Variants in PTPN14 observed in about 807,000 individuals in gnomAD.
The protein encoded by PTPN14 is protein tyrosine phosphatase non-receptor type 14.
Under a neutral mutation model 126.8 loss-of-function variants are expected in PTPN14, and 53 were observed. The ratio of observed to expected loss-of-function variants is 0.42; its 90% CI spans 0.34 to 0.53. The LOEUF (loss-of-function observed/expected upper bound fraction) is 0.53, where lower values mean the gene tolerates loss of function less well. Ranked by LOEUF, PTPN14 falls within the 20% of genes least tolerant of loss-of-function variation. PTPN14 has a pLI of 0.08. For synonymous variants in PTPN14, 630 were observed against 599.3 expected (o/e 1.05, Z -0.75); for missense variants, 1,257 against 1,552.9 (o/e 0.81, Z 3.20).
chr1:214,541,362 G>A (rs552296764), intron 1 of PTPN14, among the ~76,000 whole-genome samples: 3 of 152,152 alleles, frequency 2.0e-5, no homozygotes, highest in Non-Finnish European at 4.4e-5. Context: ...AGATGTTTAG[G>A]GGAGAGGCCA....
intron 1 of PTPN14, among the ~76,000 whole-genome samples, chr1:214,496,782 G>A (rs2102425191): frequency 6.6e-6 from 1 of 152,030 alleles, no homozygotes; most frequent in East Asian, 1.9e-4. Context: ...TATCTAATTT[G>A]ATCTATATTC....
At chr1:214,542,019 CAT>C (rs1466499299) in intron 1 of PTPN14, among the ~76,000 whole-genome samples, 2 of 152,272 alleles carry the variant, frequency 1.3e-5, no homozygotes, top group East Asian at 1.9e-4. Context: ...AACAGTATCA[CAT>C]GTCTGTCCTC....
intron 3 of PTPN14, among the ~76,000 whole-genome samples, chr1:214,433,501 C>T (rs1382556232): frequency 6.6e-6 from 1 of 152,012 alleles, no homozygotes; most frequent in East Asian, 1.9e-4. Flanking sequence ...AACAGTTCAT[C>T]ACTGTCTACC....
At chr1:214,424,276 C>T (rs1229632416) in intron 3 of PTPN14, among the ~76,000 whole-genome samples, 4 of 149,850 alleles carry the variant, frequency 2.7e-5, no homozygotes, top group Non-Finnish European at 4.4e-5. Flanking sequence ...GCCTGGGCAA[C>T]AGAGTGAGAC....
At chr1:214,414,447 A>G (rs544440526) in intron 4 of PTPN14, among the ~76,000 whole-genome samples, 182 bp downstream of exon 4, 1 of 152,224 alleles carries the variant, frequency 6.6e-6, no homozygotes, top group African/African-American at 2.4e-5. Flanking sequence ...GCTTTGAGAA[A>G]TCTACCACCC....
At position 214,372,717 on chromosome 1, in the gene PTPN14, T is replaced by C; in HGVS notation, c.3030A>G (p.Ala1010=). 1 of 1,614,172 alleles carries C rather than the reference T, an allele frequency of 6.2e-7. No individual in the cohort carries two copies. Among genetic ancestry groups the C allele is most frequent in the Non-Finnish European group, 8.5e-7 (1 of 1,180,020 alleles). Residue 1010 remains alanine, a synonymous_variant, in exon 16 of 19, where the codon GCA becomes GCG. Coordinates refer to ENST00000366956, the MANE Select transcript of PTPN14 (RefSeq NM_005401.5). ...QGVNVIAMVT[A]EEEGGRTKSH... ...AGTAGGCCATTCCCCTTACCTCCTC[T>C]GCAGTGACCATGGCAATCACATTCA...
At chr1:214,387,674 CAAAA>C (rs67415818) in intron 11 of PTPN14, among the ~76,000 whole-genome samples, 16 of 85,366 alleles carry the variant, frequency 1.9e-4, no homozygotes, top group African/African-American at 4.9e-4. Flanking sequence ...AAGACTCCGT[CAAAA>C]AAAAAAAAAA....
At chr1:214,497,019 T>G (rs1654538115) in intron 1 of PTPN14, among the ~76,000 whole-genome samples, 1 of 152,088 alleles carries the variant, frequency 6.6e-6, no homozygotes, top group Non-Finnish European at 1.5e-5. Flanking sequence ...CATACAGATT[T>G]TATTAAATAA....
At chr1:214,460,831 G>A (rs1042316756) in intron 2 of PTPN14, among the ~76,000 whole-genome samples, 10 of 152,162 alleles carry the variant, frequency 6.6e-5, no homozygotes, top group African/African-American at 2.2e-4. Context: ...ATGACTGTTT[G>A]CTGACAATAG....
At chr1:214,492,911 A>T (rs1468374633) in intron 1 of PTPN14, among the ~76,000 whole-genome samples, 1 of 152,086 alleles carries the variant, frequency 6.6e-6, no homozygotes. Flanking sequence ...GAAAAAAAAA[A>T]AAAAAAGAAT....
rs149662227 is a variant in PTPN14, at chr1:214,452,929, C to G, written c.175-955G>C. ...CATTACAATGTTCAATTTCCAAAGG[C>G]ATTCTTATGCTGATGTTCCCACTCC... On this transcript the variant is annotated intron_variant, in intron 2 of 18. Coordinates refer to ENST00000366956, the MANE Select transcript of PTPN14 (RefSeq NM_005401.5). Among the ~76,000 whole-genome samples, 525 of 152,254 alleles carry G rather than the reference C, an allele frequency of 3.4e-3. 5 individuals carry two copies. Among genetic ancestry groups the G allele is most frequent in the Non-Finnish European group, 6.1e-3 (413 of 68,006 alleles).
At chr1:214,400,848 T>G (rs1438640106) in intron 7 of PTPN14, among the ~76,000 whole-genome samples, 1 of 152,164 alleles carries the variant, frequency 6.6e-6, no homozygotes, top group Admixed American at 6.5e-5. Flanking sequence ...CGATTCTACT[T>G]GATGCACATG....
chr1:214,465,672 A>T (rs1660618411), intron 1 of PTPN14, among the ~76,000 whole-genome samples: 1 of 151,958 alleles, frequency 6.6e-6, no homozygotes, highest in African/African-American at 2.4e-5. Context: ...GAACTTGAAC[A>T]CTGGTGTTTT....
At chr1:214,485,723 T>C (rs1407782991) in intron 1 of PTPN14, among the ~76,000 whole-genome samples, 2 of 152,064 alleles carry the variant, frequency 1.3e-5, no homozygotes, top group Non-Finnish European at 2.9e-5. Context: ...TCTAGTCTTT[T>C]ATATTTCTTT....
chr1:214,485,851 G>C (rs1319484128), intron 1 of PTPN14, among the ~76,000 whole-genome samples: 1 of 151,888 alleles, frequency 6.6e-6, no homozygotes, highest in Admixed American at 6.6e-5. Flanking sequence ...TCAGCCTCCC[G>C]AGTAGCTGGG....
At chr1:214,476,898 G>T (rs1660880066) in intron 1 of PTPN14, among the ~76,000 whole-genome samples, 2 of 152,144 alleles carry the variant, frequency 1.3e-5, no homozygotes, top group African/African-American at 4.8e-5. Flanking sequence ...TATTATCCTT[G>T]CTACTTCACG....
In PTPN14 at chr1:214,384,650, C is replaced by T. The variant is rs1265312625; in HGVS notation, c.1205G>A (p.Ser402Asn). 6 of 1,614,086 alleles carry T rather than the reference C, an allele frequency of 3.7e-6. No homozygotes were observed. Among genetic ancestry groups the T allele is most frequent in the Non-Finnish European group, 5.1e-6 (6 of 1,180,026 alleles). The part of the protein sequence containing the change: ...HSVNSLNCSQ[S>N]FIQASPVSSN... ...GGATACAGGGGAGGCCTGGATGAAA[C>T]TTTGCGAGCAGTTGAGGGAGTTGAC... The change falls in exon 13 of 19, where the codon AGT (serine) becomes AAT (asparagine). Residue 402 changes from serine (S) to asparagine (N), a missense_variant. Around this residue, in one of 3 missense-constraint regions of PTPN14, gnomAD observed 1,021 missense variants for 1,183.3 expected, o/e 0.86. Transcript: ENST00000366956. This position sits in a 1 kb window ranked among gnomAD's most constrained non-coding sequence, Gnocchi z 5.3.
chr1:214,425,300 G>A (rs1041143877), intron 3 of PTPN14, among the ~76,000 whole-genome samples: 1 of 152,088 alleles, frequency 6.6e-6, no homozygotes, highest in Non-Finnish European at 1.5e-5. Context: ...ACCCAAATAG[G>A]TGGCATAAAA....
intron 10 of PTPN14, among the ~76,000 whole-genome samples, chr1:214,392,761 G>A (rs1485215544): frequency 2.0e-5 from 3 of 152,212 alleles, no homozygotes; most frequent in Non-Finnish European, 2.9e-5. Context: ...GACCCCGACA[G>A]TGACCAATTG....
Sources: gnomAD v4.1 joint callset for allele counts (sites outside exome capture counted in the v4.1 genomes callset) on GRCh38, gnomAD v4.1.1 for gene constraint, gnomAD v4.1.1 regional missense constraint, Gnocchi (gnomAD v3.1) non-coding constraint, MANE v1.5 for transcripts, NCBI Gene and HGNC (gene_info 2026-07-23, HGNC 2026-07-21) for gene names.